IQANK1: variants seen among roughly 807,000 people sequenced by gnomAD.
IQANK1 encodes IQ motif and ankyrin repeat domain-containing protein 1.
Under a neutral mutation model 22.6 loss-of-function variants are expected in IQANK1, and 30 were observed. The observed-to-expected ratio is 1.33, with a 90% CI of 0.99 to 1.80. IQANK1 has a LOEUF of 1.80. IQANK1 is among the 40% of genes most tolerant of loss of function. The probability of loss-of-function intolerance (pLI) is 0.00; values close to 1 mark genes in which losing one functional copy is unlikely to be tolerated. For missense variants in IQANK1, 275 were observed against 235.2 expected (o/e 1.17, Z -1.11); for synonymous variants, 122 against 99.6 (o/e 1.23, Z -1.34).
chr8:143,749,461 ATAAT>A lies in IQANK1; in HGVS notation c.175+9514_175+9517del, dbSNP rs1375278636. ...TATAATTATATATTATATATCATAT[ATAAT>A]ATATAAATATATGTATAAATATATA... On this transcript the variant is annotated intron_variant, in intron 3 of 13. Coordinates refer to ENST00000527139, the MANE Select transcript of IQANK1 (RefSeq NM_001381874.1). Among the ~76,000 whole-genome samples the A allele has an allele frequency of 2.2e-5, 3 of 136,830 alleles. No homozygotes were observed. The East Asian group carries it at 6.2e-4, about 28-fold the overall frequency. The allele number at this position is 136,830 out of a possible 152,430, so 89.8% of individuals were successfully genotyped here.
At chr8:143,767,516 C>T (rs1484412832) in intron 3 of IQANK1, among the ~76,000 whole-genome samples, 1 of 152,170 alleles carries the variant, frequency 6.6e-6, no homozygotes, top group Non-Finnish European at 1.5e-5. Context: ...ACTTACCCAG[C>T]TTCCTCTAAG....
At chr8:143,786,893 C>T (rs539357249) in intron 7 of IQANK1, among the ~76,000 whole-genome samples, 3 of 152,304 alleles carry the variant, frequency 2.0e-5, no homozygotes, top group Non-Finnish European at 4.4e-5. Flanking sequence ...GAAGGAGCCC[C>T]TGTGGCTGCC....
At chr8:143,789,148 G>A (rs112613575) in intron 8 of IQANK1, 41 bp from the exon 9 acceptor site, 25,602 of 400,598 alleles carry the variant, frequency 0.064, 911 homozygotes, top group Non-Finnish European at 0.075. Context: ...TGGTGGGGGC[G>A]CTGGCGGAAG....
intron 7 of IQANK1, among the ~76,000 whole-genome samples, chr8:143,786,334 T>A (rs1245695095): frequency 5.9e-5 from 9 of 152,224 alleles, no homozygotes; most frequent in African/African-American, 2.2e-4. Flanking sequence ...TCAACCTCAC[T>A]CGGAGGCTAC....
chr8:143,734,796 C>A (rs1206734199), intron 1 of IQANK1, among the ~76,000 whole-genome samples: 5 of 151,990 alleles, frequency 3.3e-5, no homozygotes, highest in Non-Finnish European at 7.4e-5. Flanking sequence ...GACAAGGGAC[C>A]CAGTGTGCAC....
intron 3 of IQANK1, chr8:143,759,750 T>TG (rs1241679710): frequency 6.6e-6 from 1 of 152,198 alleles, no homozygotes; most frequent in African/African-American, 2.4e-5. Flanking sequence ...TCACATCTTT[T>TG]GGGGGTAGCA....
intron 7 of IQANK1, 101 bp downstream of exon 7, chr8:143,772,583 A>G: frequency 2.5e-6 from 1 of 398,032 alleles, no homozygotes; most frequent in African/African-American, 2.1e-5. Flanking sequence ...GGGAGGTGTG[A>G]GTCTGGCAGG....
intron 7 of IQANK1, among the ~76,000 whole-genome samples, chr8:143,776,298 G>A (rs56744103): frequency 0.081 from 11,852 of 145,700 alleles, 1,606 homozygotes; most frequent in African/African-American, 0.28. Flanking sequence ...TCCGCAGTCC[G>A]GCCTGGGCGA....
In IQANK1 at chr8:143,771,499, G is replaced by T; in HGVS notation, c.187G>T (p.Asp63Tyr). ...TCTCCCCACCCCAGGGCCGGCCGAG[G>T]ACCGAGCGGCCAGAGCGATCCAGGG... Reference protein sequence around the residue: ...SPQAPTGPAEDRAARAIQGAF... With the variant: ...SPQAPTGPAEYRAARAIQGAF... The change falls in exon 4 of 14, where the codon GAC becomes TAC. Residue 63 changes from aspartate to tyrosine, a missense_variant. Transcript: ENST00000527139. The surrounding 1 kb of genome is among the most constrained non-coding windows in gnomAD (Gnocchi z 6.0). The T allele has an allele frequency of 2.5e-6, 1 of 398,028 alleles. No individual in the cohort carries two copies. Among genetic ancestry groups the T allele is most frequent in the South Asian group, 1.3e-4 (1 of 7,846 alleles). 24.7% of individuals were successfully genotyped at this position (398,028 alleles called of 1,614,324 possible). A position where few individuals can be genotyped will look rare whatever the true frequency, so the allele number is the denominator to read the frequency against.
chr8:143,749,889 A>G (rs1384591134), intron 3 of IQANK1, among the ~76,000 whole-genome samples: 1 of 151,852 alleles, frequency 6.6e-6, no homozygotes, highest in African/African-American at 2.4e-5. Context: ...ATGATCAGAC[A>G]TTAGGTACAT....
At chr8:143,786,032 TTTTA>T (rs1554631317) in intron 7 of IQANK1, among the ~76,000 whole-genome samples, 1 of 152,014 alleles carries the variant, frequency 6.6e-6, no homozygotes, top group South Asian at 2.1e-4. Context: ...GCCTAATTTT[TTTTA>T]TTTGTTTGTA....
chr8:143,764,206 GA>G lies in IQANK1; in HGVS notation c.176-7274del, dbSNP rs570584351. On this transcript the variant is annotated intron_variant, in intron 3 of 13. Coordinates refer to ENST00000527139, the MANE Select transcript of IQANK1 (RefSeq NM_001381874.1). The stretch of plus-strand genomic sequence containing the variant: ...AAAGGTGGACAGCTGCTTGGTAGCA[GA>G]AAAAAAACGAACAAAACCTGACTCA... 4.3e-3 allele frequency among the ~76,000 whole-genome samples: 651 copies of G among 151,660 alleles called. 2 individuals carry two copies. Among genetic ancestry groups the G allele is most frequent in the African/African-American group, 0.015 (618 of 41,356 alleles).
intron 2 of IQANK1, among the ~76,000 whole-genome samples, chr8:143,736,496 C>CA (rs374506788): frequency 8.1e-4 from 124 of 152,190 alleles, no homozygotes; most frequent in African/African-American, 2.7e-3. Context: ...GGGTAGCACT[C>CA]AGAGAAGCCC....
rs1819635551 is a variant in IQANK1 at position 143,773,988 on chromosome 8, G to T, written c.789+1506G>T. Among the ~76,000 whole-genome samples, 2 of 152,186 alleles carry T rather than the reference G, an allele frequency of 1.3e-5. 1 individual carries two copies. Among genetic ancestry groups the T allele is most frequent in the South Asian group, 4.1e-4 (2 of 4,828 alleles). ...TGTGTGTTCACTCCATGGTGCTGGA[G>T]CATTGGCCATCCACAGGCAAAGGGG... On this transcript the variant is annotated intron_variant, in intron 7 of 13. Transcript: ENST00000527139.
chr8:143,789,700 C>T lies in IQANK1; in HGVS notation c.1087-61C>T, dbSNP rs1187606567. 4.1e-6 allele frequency: 5 copies of T among 1,219,836 alleles called. No homozygotes were observed. In the African/African-American group the frequency reaches 7.8e-5, roughly 19 times the overall value. 75.6% of individuals were successfully genotyped at this position (1,219,836 alleles called of 1,614,324 possible). On this transcript the variant is annotated intron_variant, in intron 10 of 13. Transcript: ENST00000527139. The stretch of plus-strand genomic sequence containing the variant: ...TGGGGTGGGGAGGAAGCTCGGGCAG[C>T]TGCCCTCTCCAGCCAGAGCATGGGG...
At chr8:143,743,250 C>T in intron 3 of IQANK1, 1 of 357,214 alleles carries the variant, frequency 2.8e-6, no homozygotes, top group Non-Finnish European at 5.5e-6. Flanking sequence ...TTTTTTGAGA[C>T]AGGGTCAGCT....
At chr8:143,748,525 GAT>G (rs1339045566) in intron 3 of IQANK1, among the ~76,000 whole-genome samples, 3 of 115,074 alleles carry the variant, frequency 2.6e-5, no homozygotes, top group Admixed American at 9.6e-5. Flanking sequence ...AAATATAGAT[GAT>G]ATATATGATA....
intron 3 of IQANK1, among the ~76,000 whole-genome samples, chr8:143,752,498 T>C (rs181685384): frequency 6.6e-6 from 1 of 152,342 alleles, no homozygotes; most frequent in Non-Finnish European, 1.5e-5. Flanking sequence ...GATGTTTATA[T>C]GCATGTCTTT....
chr8:143,734,431 T>G (rs1444755517), intron 1 of IQANK1, among the ~76,000 whole-genome samples: 1 of 102,930 alleles, frequency 9.7e-6, no homozygotes, highest in Non-Finnish European at 1.9e-5. Flanking sequence ...TCTTTCTCCC[T>G]CACCCCCTCA....
Sources: gnomAD v4.1 joint callset for allele counts (sites outside exome capture counted in the v4.1 genomes callset) on GRCh38, gnomAD v4.1.1 for gene constraint, Gnocchi (gnomAD v3.1) non-coding constraint, MANE v1.5 for transcripts, NCBI Gene and HGNC (gene_info 2026-07-23, HGNC 2026-07-21) for gene names.